TARS3: variants seen among roughly 807,000 people sequenced by gnomAD.
The protein encoded by TARS3 is threonine--tRNA ligase 2, cytoplasmic.
A neutral mutation model predicts 103.5 loss-of-function variants in TARS3; 94 were observed. The ratio of observed to expected loss-of-function variants is 0.91; its 90% confidence interval spans 0.77 to 1.08. TARS3 has a LOEUF of 1.08. Among genes scored for constraint, TARS3 ranks in the 50% least tolerant of loss-of-function variants. TARS3 has a pLI of 0.00. For synonymous variants in TARS3, 416 were observed against 355.4 expected, an observed-to-expected ratio of 1.17 and a Z score of -1.92; for missense variants, 952 against 995.2, an observed-to-expected ratio of 0.96 and a Z score of 0.58.
intron 10 of TARS3, among the ~76,000 whole-genome samples, chr15:101,687,442 A>G (rs1282057331): frequency 6.6e-6 from 1 of 152,176 alleles, no homozygotes; most frequent in African/African-American, 2.4e-5. Flanking sequence ...GATGTCATTA[A>G]GAATGGCAGT....
At chr15:101,661,867 A>G (rs1350560861) in intron 15 of TARS3, 51 bp from the exon 16 acceptor site, 3 of 1,130,968 alleles carry the variant, frequency 2.7e-6, no homozygotes, top group Non-Finnish European at 1.3e-6. Flanking sequence ...TTCAATAACT[A>G]TCTTCTAGCC....
At chr15:101,723,060 G>A (rs1171223795) in intron 2 of TARS3, 33 bp downstream of exon 2, 10 of 1,574,134 alleles carry the variant, frequency 6.4e-6, no homozygotes, top group Admixed American at 3.3e-5. Flanking sequence ...ATTACAGGTA[G>A]TATTTTATAT....
chr15:101,683,762 CA>C (rs1898349947), intron 12 of TARS3, among the ~76,000 whole-genome samples: 1 of 152,108 alleles, frequency 6.6e-6, no homozygotes, highest in African/African-American at 2.4e-5. Context: ...TGAATTAACA[CA>C]AAAACTTGAA....
At chr15:101,693,012 A>G (rs1898797535) in intron 10 of TARS3, among the ~76,000 whole-genome samples, 2 of 152,214 alleles carry the variant, frequency 1.3e-5, no homozygotes, top group Non-Finnish European at 2.9e-5. Context: ...CCAGGGTTTC[A>G]AGACATGCAT....
chr15:101,718,565 G>A (rs1403559093), intron 3 of TARS3, among the ~76,000 whole-genome samples: 1 of 152,168 alleles, frequency 6.6e-6, no homozygotes, highest in Non-Finnish European at 1.5e-5. Flanking sequence ...AACCGCAGGA[G>A]GGACAGGCAT....
chr15:101,676,710 T>G (rs1898040850), intron 12 of TARS3, among the ~76,000 whole-genome samples: 1 of 152,024 alleles, frequency 6.6e-6, no homozygotes, highest in Non-Finnish European at 1.5e-5. Flanking sequence ...TTTCGCCATG[T>G]TGGCCAGGCT....
intron 10 of TARS3, among the ~76,000 whole-genome samples, chr15:101,699,622 C>G (rs1042101902): frequency 1.3e-5 from 2 of 152,162 alleles, no homozygotes; most frequent in African/African-American, 2.4e-5. Context: ...CTCTGATAAT[C>G]TTCAGTGATT....
In TARS3 at chr15:101,700,809, T is replaced by C. The variant is rs1899232730; in HGVS notation, c.1320+277A>G. 1.3e-5 allele frequency among the ~76,000 whole-genome samples: 2 copies of C among 152,082 alleles called. 1 individual carries two copies. The highest frequency in any genetic ancestry group is 4.1e-4 in the South Asian group (2 of 4,826). On this transcript the variant is annotated intron_variant, in intron 10 of 18. Transcript: ENST00000335968. ...GGTGTGCACCACCACACTCGGCTAA[T>C]TTTTGTATTTTTAGTAGAGACAGGG...
At chr15:101,680,311 A>T (rs1225808632) in intron 12 of TARS3, among the ~76,000 whole-genome samples, 2 of 152,236 alleles carry the variant, frequency 1.3e-5, no homozygotes, top group African/African-American at 4.8e-5. Flanking sequence ...AAACTTTTCT[A>T]TCTTTCTAGG....
chr15:101,655,785 C>T, intron 18 of TARS3: 1 of 1,198,552 alleles, frequency 8.3e-7, no homozygotes. Flanking sequence ...CTCTTACAGG[C>T]TCACACTGAC....
At chr15:101,658,970 T>G (rs1176043446) in intron 16 of TARS3, among the ~76,000 whole-genome samples, 1 of 152,106 alleles carries the variant, frequency 6.6e-6, no homozygotes, top group Non-Finnish European at 1.5e-5. Context: ...TTTTGTATTT[T>G]CAGTAGAGAC....
intron 13 of TARS3, 96 bp from the exon 14 acceptor site, chr15:101,671,844 A>G (rs1897819897): frequency 1.0e-6 from 1 of 952,692 alleles, no homozygotes; most frequent in African/African-American, 1.7e-5. Context: ...ATTACAGTCT[A>G]TGTTAGTTCA....
chr15:101,715,090 G>T, intron 3 of TARS3, 127 bp from the exon 4 acceptor site: 2 of 777,078 alleles, frequency 2.6e-6, no homozygotes, highest in Non-Finnish European at 3.7e-6. Context: ...AAACTAATAG[G>T]ACAGATATTT....
intron 16 of TARS3, among the ~76,000 whole-genome samples, chr15:101,658,370 T>A (rs544298394): frequency 6.8e-6 from 1 of 146,570 alleles, no homozygotes; most frequent in South Asian, 2.2e-4. Context: ...ACAACATGGA[T>A]GGCTCTTAAG....
At chr15:101,663,456 C>T (rs779921646) in intron 15 of TARS3, among the ~76,000 whole-genome samples, 1 of 152,182 alleles carries the variant, frequency 6.6e-6, no homozygotes, top group Non-Finnish European at 1.5e-5. Flanking sequence ...AAGTACACTC[C>T]GTGATGTTCA....
chr15:101,667,722 C>CTAATT (rs1897636900), intron 15 of TARS3, among the ~76,000 whole-genome samples: 7 of 152,188 alleles, frequency 4.6e-5, no homozygotes, highest in Admixed American at 4.6e-4. Context: ...AGGCACCCAC[C>CTAATT]ACCACGCCCA....
intron 1 of TARS3, 64 bp from the exon 2 acceptor site, chr15:101,723,228 G>C: frequency 1.4e-6 from 2 of 1,478,818 alleles, no homozygotes; most frequent in Non-Finnish European, 9.4e-7. Flanking sequence ...TTTAAGAAGA[G>C]AGTCATGCCA....
At chr15:101,674,602 C>T (rs958126929) in intron 13 of TARS3, among the ~76,000 whole-genome samples, 1 of 151,882 alleles carries the variant, frequency 6.6e-6, no homozygotes, top group Non-Finnish European at 1.5e-5. Flanking sequence ...GTCAGGAGAT[C>T]GAGACCATCC....
Position 101,654,417 on chromosome 15 carries a change from A to G in TARS3, c.*165T>C. 1 of 705,860 alleles carries G rather than the reference A, an allele frequency of 1.4e-6. No individual in the cohort carries two copies. The highest frequency in any genetic ancestry group is 2.5e-5 in the South Asian group (1 of 39,518). The allele number at this position is 705,860 out of a possible 1,614,324, so 43.7% of individuals were successfully genotyped here. A position where few individuals can be genotyped will look rare whatever the true frequency, so the allele number is the denominator to read the frequency against. On this transcript the variant is annotated 3_prime_UTR_variant, in exon 19 of 19. Transcript: ENST00000335968. ...CGTCCCCCGTGGACATGAGTAAATTAAACTTCGTGCATGTCAGCTACACGT... is the reference window on the plus strand; with the variant it reads ...CGTCCCCCGTGGACATGAGTAAATTGAACTTCGTGCATGTCAGCTACACGT...
Sources: gnomAD v4.1 joint callset for allele counts (sites outside exome capture counted in the v4.1 genomes callset) on GRCh38, gnomAD v4.1.1 for gene constraint, MANE v1.5 for transcripts, NCBI Gene and HGNC (gene_info 2026-07-23, HGNC 2026-07-21) for gene names.